Variants in ATP2C1 observed in about 807,000 individuals in gnomAD.
ATP2C1 encodes calcium-transporting ATPase type 2C member 1.
In ATP2C1, 31 loss-of-function variants were observed where a neutral mutation model predicts 120.5. That is an observed-to-expected ratio of 0.26 (90% CI 0.19 to 0.35). The LOEUF (loss-of-function observed/expected upper bound fraction) is 0.35, where lower values mean the gene tolerates loss of function less well. Among genes scored for constraint, ATP2C1 ranks in the 10% least tolerant of loss-of-function variants. The pLI is 1.00. For synonymous variants in ATP2C1, 351 were observed against 358.7 expected (o/e 0.98, Z 0.24); for missense variants, 731 against 1,107.5 (o/e 0.66, Z 4.83).
intron 20 of ATP2C1, among the ~76,000 whole-genome samples, chr3:130,985,827 G>A (rs971612210): frequency 4.6e-5 from 7 of 152,250 alleles, no homozygotes; most frequent in African/African-American, 1.4e-4. Flanking sequence ...AGCATGATGA[G>A]TAGTTGCTTT....
At chr3:130,893,552 C>T (rs796214980), upstream of ATP2C1, among the ~76,000 whole-genome samples, 7 of 152,362 alleles carry the variant, frequency 4.6e-5, no homozygotes, top group African/African-American at 2.4e-5. Flanking sequence ...CTGGCAGGAG[C>T]ATGGACACCT....
At chr3:130,866,394 G>C (rs1405221359) in intron 1 of ATP2C1, among the ~76,000 whole-genome samples, 4 of 152,124 alleles carry the variant, frequency 2.6e-5, no homozygotes, top group South Asian at 2.1e-4. Context: ...ATTTGTTTGA[G>C]AAACCCAGTT....
At chr3:130,880,595 T>C (rs2068750945) in intron 1 of ATP2C1, among the ~76,000 whole-genome samples, 1 of 152,262 alleles carries the variant, frequency 6.6e-6, no homozygotes, top group Admixed American at 6.5e-5. Context: ...ATTAACAATT[T>C]GCTTGTGTTG....
At chr3:130,959,856 G>A (rs1576888989) in intron 12 of ATP2C1, among the ~76,000 whole-genome samples, 1 of 152,014 alleles carries the variant, frequency 6.6e-6, no homozygotes, top group Admixed American at 6.6e-5. Context: ...TTGTAGGGGT[G>A]TAATATAAAT....
intron 2 of ATP2C1, among the ~76,000 whole-genome samples, chr3:130,920,994 T>C (rs1365673206): frequency 6.6e-6 from 1 of 152,122 alleles, no homozygotes; most frequent in African/African-American, 2.4e-5. Flanking sequence ...TACTGATTTT[T>C]ATATGTTGAT....
chr3:130,898,254 A>G (rs2069813897), intron 2 of ATP2C1, among the ~76,000 whole-genome samples: 1 of 152,120 alleles, frequency 6.6e-6, no homozygotes, highest in Non-Finnish European at 1.5e-5. Flanking sequence ...GGTGTAGAGA[A>G]CAATGCCCCA....
chr3:130,899,183 A>G (rs1342555517), intron 2 of ATP2C1, among the ~76,000 whole-genome samples: 1 of 152,152 alleles, frequency 6.6e-6, no homozygotes, highest in East Asian at 1.9e-4. Flanking sequence ...GCATTTGTTA[A>G]TACAGTTGAC....
intron 20 of ATP2C1, among the ~76,000 whole-genome samples, chr3:130,990,661 G>T (rs979920379): frequency 6.6e-6 from 1 of 152,190 alleles, no homozygotes; most frequent in African/African-American, 2.4e-5. Context: ...TCTGGCTACT[G>T]TGTTGCAAAT....
chr3:130,987,409 T>C (rs1165768549), intron 20 of ATP2C1, among the ~76,000 whole-genome samples: 1 of 152,170 alleles, frequency 6.6e-6, no homozygotes, highest in African/African-American at 2.4e-5. Context: ...ACTCCTGGGT[T>C]CAGGTGATCT....
chr3:130,938,669 A>G (rs2059772399), intron 6 of ATP2C1, among the ~76,000 whole-genome samples: 1 of 152,192 alleles, frequency 6.6e-6, no homozygotes, highest in African/African-American at 2.4e-5. Flanking sequence ...TGGTTAGTCT[A>G]GCATAGGTCA....
chr3:130,979,502 A>AAT, intron 19 of ATP2C1, 83 bp downstream of exon 19: 1 of 1,376,768 alleles, frequency 7.3e-7, no homozygotes, highest in East Asian at 2.4e-5. Flanking sequence ...ATTAGTTATG[A>AAT]ATATGTTTAT....
exon 27 of ATP2C1, chr3:131,016,608 C>A: frequency 2.2e-6 from 1 of 461,336 alleles, no homozygotes; most frequent in Non-Finnish European, 3.9e-6. Context: ...ACTACCTGAC[C>A]ATAAACATGT....
At chr3:131,011,523 AGGGAATAT>A (rs1560049378) in intron 26 of ATP2C1, among the ~76,000 whole-genome samples, 1 of 152,224 alleles carries the variant, frequency 6.6e-6, no homozygotes, top group Non-Finnish European at 1.5e-5. Flanking sequence ...GATTTTGGAA[AGGGAATAT>A]GGGATGTACA....
intron 5 of ATP2C1, 35 bp downstream of exon 5, chr3:130,934,746 G>A (rs766525568): frequency 2.2e-6 from 3 of 1,389,838 alleles, no homozygotes; most frequent in Admixed American, 3.4e-5. Context: ...AATCTGTTGA[G>A]TAAGTGTATA....
At chr3:130,893,194 G>A (rs138317349), upstream of ATP2C1, among the ~76,000 whole-genome samples, 2 of 152,282 alleles carry the variant, frequency 1.3e-5, no homozygotes, top group Non-Finnish European at 2.9e-5. Context: ...AAGATGCCGA[G>A]CAAGTGAAAT....
At chr3:130,922,000 C>T (rs1185180500) in intron 2 of ATP2C1, among the ~76,000 whole-genome samples, 1 of 152,066 alleles carries the variant, frequency 6.6e-6, no homozygotes, top group Non-Finnish European at 1.5e-5. Context: ...GGAGGATTCC[C>T]TCTTTATCTT....
intron 25 of ATP2C1, among the ~76,000 whole-genome samples, chr3:130,997,984 T>C (rs2062709261): frequency 6.6e-6 from 1 of 152,156 alleles, no homozygotes; most frequent in Non-Finnish European, 1.5e-5. Context: ...TAAAAATACA[T>C]GAAAATTTAG....
At chr3:130,919,559 A>G (rs1391668003) in intron 2 of ATP2C1, among the ~76,000 whole-genome samples, 1 of 152,158 alleles carries the variant, frequency 6.6e-6, no homozygotes, top group Non-Finnish European at 1.5e-5. Context: ...TCCATTGTAC[A>G]TATATTCCAC....
chr3:130,863,552 G>A (rs934255128), intron 1 of ATP2C1, among the ~76,000 whole-genome samples: 3 of 152,168 alleles, frequency 2.0e-5, no homozygotes, highest in Non-Finnish European at 4.4e-5. Flanking sequence ...ATGTAATCAA[G>A]CTTTTGCAAA....
Sources: allele counts gnomAD v4.1 joint callset (sites outside exome capture counted in the v4.1 genomes callset), GRCh38; gene constraint gnomAD v4.1.1; transcripts MANE v1.5; gene names NCBI Gene and HGNC (gene_info 2026-07-23, HGNC 2026-07-21).